XKR4: variants seen among roughly 807,000 people sequenced by gnomAD.
The protein encoded by XKR4 is XK related 4, also known as XK-related protein 4.
Under a neutral mutation model 53.9 loss-of-function variants are expected in XKR4, and 12 were observed. That is an observed-to-expected ratio of 0.22 (90% CI 0.14 to 0.36). The LOEUF is 0.36. Among genes scored for constraint, XKR4 ranks in the 10% least tolerant of loss-of-function variants. XKR4 has a pLI of 1.00. For missense variants in XKR4, 799 were observed against 859.5 expected (o/e 0.93, Z 0.88); for synonymous variants, 354 against 362.4 (o/e 0.98, Z 0.26).
intron 1 of XKR4, among the ~76,000 whole-genome samples, chr8:55,177,072 T>G (rs1168567151): frequency 6.6e-6 from 1 of 151,876 alleles, no homozygotes; most frequent in Non-Finnish European, 1.5e-5. Context: ...AGTCTTGCTC[T>G]GTTACCCAGG....
intron 2 of XKR4, among the ~76,000 whole-genome samples, chr8:55,391,630 T>C (rs1272448819): frequency 6.6e-6 from 1 of 152,104 alleles, no homozygotes; most frequent in Non-Finnish European, 1.5e-5. Context: ...TACAAAAGAA[T>C]AGGAAGTAGG....
At chr8:55,339,389 A>AT (rs973833179) in intron 1 of XKR4, among the ~76,000 whole-genome samples, 3 of 152,184 alleles carry the variant, frequency 2.0e-5, no homozygotes, top group African/African-American at 7.2e-5. Context: ...TATATAAAGC[A>AT]TTTTACCAAT....
At chr8:55,358,301 A>G (rs1284161374) in intron 2 of XKR4, among the ~76,000 whole-genome samples, 2 of 151,994 alleles carry the variant, frequency 1.3e-5, no homozygotes, top group African/African-American at 4.8e-5. Context: ...AATTCCTACT[A>G]TTTCCTTTTG....
chr8:55,451,907 TCTC>T, intron 2 of XKR4: 2 of 818,806 alleles, frequency 2.4e-6, no homozygotes, highest in Admixed American at 1.9e-5. Context: ...GACACTGAGA[TCTC>T]CTCCTCCTGG....
At chr8:55,142,141 A>G (rs1169178641) in intron 1 of XKR4, 13 of 455,936 alleles carry the variant, frequency 2.9e-5, no homozygotes, top group South Asian at 1.7e-4. Flanking sequence ...TTTCCCCCAC[A>G]GGGAGCCCAC....
chr8:55,469,791 G>C (rs139015754), intron 2 of XKR4, among the ~76,000 whole-genome samples: 4 of 152,056 alleles, frequency 2.6e-5, no homozygotes, highest in Non-Finnish European at 4.4e-5. Context: ...AACAAATCTT[G>C]TACTAAAGAT....
At chr8:55,314,360 A>C (rs1819428657) in intron 1 of XKR4, among the ~76,000 whole-genome samples, 1 of 152,092 alleles carries the variant, frequency 6.6e-6, no homozygotes, top group Non-Finnish European at 1.5e-5. Flanking sequence ...TGGTAGTCAT[A>C]ATAGGTCTTC....
At chr8:55,138,410 C>T (rs553792597) in intron 1 of XKR4, among the ~76,000 whole-genome samples, 3 of 152,130 alleles carry the variant, frequency 2.0e-5, no homozygotes, top group African/African-American at 7.2e-5. Context: ...TGGAGAAATG[C>T]GAGAAGTTTT....
chr8:55,290,388 C>T (rs1225457288), intron 1 of XKR4, among the ~76,000 whole-genome samples: 2 of 152,028 alleles, frequency 1.3e-5, no homozygotes, highest in Admixed American at 6.6e-5. Flanking sequence ...GCTTGGCCTC[C>T]CAAAGTGCTG....
At chr8:55,374,523 C>T (rs1018869848) in intron 2 of XKR4, among the ~76,000 whole-genome samples, 2 of 152,108 alleles carry the variant, frequency 1.3e-5, no homozygotes, top group African/African-American at 4.8e-5. Flanking sequence ...AGGCCAAGCG[C>T]AGAACTGGTA....
chr8:55,148,607 G>T (rs1325301137), intron 1 of XKR4, among the ~76,000 whole-genome samples: 1 of 151,920 alleles, frequency 6.6e-6, no homozygotes, highest in African/African-American at 2.4e-5. Flanking sequence ...TTAAATTCTG[G>T]CCTCTTTATT....
chr8:55,438,590 GAA>G (rs751832656), intron 2 of XKR4, among the ~76,000 whole-genome samples: 1 of 100,404 alleles, frequency 1.0e-5, no homozygotes, highest in East Asian at 3.2e-4. Context: ...ACTCCATCTT[GAA>G]AAAAAAAAAA....
intron 1 of XKR4, among the ~76,000 whole-genome samples, chr8:55,232,029 T>C (rs1221299882): frequency 1.3e-5 from 2 of 152,224 alleles, no homozygotes; most frequent in Non-Finnish European, 2.9e-5. Context: ...ATGAAACTGA[T>C]AGATGGGCTC....
chr8:55,524,056 C>G lies in XKR4; in HGVS notation c.1782C>G (p.Val594=). The G allele has an allele frequency of 6.2e-7, 1 of 1,614,178 alleles. No homozygotes were observed. Among genetic ancestry groups the G allele is most frequent in the Non-Finnish European group, 8.5e-7 (1 of 1,180,042 alleles). ...SSRPPRIEES[V]IKIDLFRNRY... ...GCCCACCACGGATTGAAGAATCAGT[C>G]ATTAAAATTGACTTGTTCAGGAATA... Residue 594 remains valine (V), a synonymous_variant, in exon 3 of 3, where the codon GTC becomes GTG. Transcript: ENST00000327381.
intron 2 of XKR4, among the ~76,000 whole-genome samples, chr8:55,459,669 C>G (rs560181381): frequency 6.6e-6 from 1 of 152,108 alleles, no homozygotes; most frequent in East Asian, 1.9e-4. Context: ...AAATTGCTCA[C>G]AAGCTCATGA....
At chr8:55,447,791 G>A (rs1237622109) in intron 2 of XKR4, among the ~76,000 whole-genome samples, 1 of 152,222 alleles carries the variant, frequency 6.6e-6, no homozygotes, top group African/African-American at 2.4e-5. Context: ...TTAAGGGACA[G>A]CCCATAAATT....
At chr8:55,512,504 G>GGGT in intron 2 of XKR4, among the ~76,000 whole-genome samples, 1 of 152,260 alleles carries the variant, frequency 6.6e-6, no homozygotes, top group Non-Finnish European at 1.5e-5. Context: ...CCTGGACCAA[G>GGGT]CCTTAGTACA....
intron 2 of XKR4, among the ~76,000 whole-genome samples, chr8:55,498,872 A>ATT (rs1172051898): frequency 6.6e-6 from 1 of 152,146 alleles, no homozygotes; most frequent in Non-Finnish European, 1.5e-5. Flanking sequence ...ATTCATCCAA[A>ATT]TTTTCTGAAA....
intron 2 of XKR4, among the ~76,000 whole-genome samples, chr8:55,375,010 T>A (rs1159577091): frequency 6.6e-6 from 1 of 152,162 alleles, no homozygotes; most frequent in East Asian, 1.9e-4. Flanking sequence ...ACAAGGGTGA[T>A]GCCCCCAGCA....
Sources: allele counts gnomAD v4.1 joint callset (sites outside exome capture counted in the v4.1 genomes callset), GRCh38; gene constraint gnomAD v4.1.1; transcripts MANE v1.5; gene names NCBI Gene and HGNC (gene_info 2026-07-23, HGNC 2026-07-21).